TBC1D2B: variants seen among roughly 807,000 people sequenced by gnomAD.
The protein encoded by TBC1D2B is TBC1 domain family member 2B, also known as TBC1 domain family, member 2B.
In TBC1D2B, 64 loss-of-function variants were observed where a neutral mutation model predicts 100.8. The ratio of observed to expected loss-of-function variants is 0.64; its 90% CI spans 0.52 to 0.78. The LOEUF (loss-of-function observed/expected upper bound fraction) is 0.78, where lower values mean the gene tolerates loss of function less well. Among genes scored for constraint, TBC1D2B ranks in the 30% least tolerant of loss-of-function variants. TBC1D2B has a pLI of 0.00. For missense variants in TBC1D2B, 1,052 were observed against 1,218.4 expected, an observed-to-expected ratio of 0.86 and a Z score of 2.03; for synonymous variants, 480 against 479.7, an observed-to-expected ratio of 1.00 and a Z score of -0.01.
At position 78,009,064 on chromosome 15, in the gene TBC1D2B, C is replaced by T. The variant is rs1438696942; in HGVS notation, c.2321G>A (p.Cys774Tyr). ...LYLEQEDAFWCLVTIVEVFMP... is the reference protein window; with the variant it reads ...LYLEQEDAFWYLVTIVEVFMP... ...GAAAACTTCCACTATGGTAACGAGA[C>T]ACCAGAAAGCATCTTCTTGTTCCAG... The change falls in exon 10 of 13, where the codon TGT becomes TAT. Residue 774 changes from cysteine (C) to tyrosine (Y), a missense_variant. Cys to Tyr is a radical substitution (Grantham distance 194, BLOSUM62 -2). Transcript: ENST00000300584. 1 of 1,608,856 alleles carries T rather than the reference C, an allele frequency of 6.2e-7. No individual in the cohort carries two copies. Among genetic ancestry groups the T allele is most frequent in the South Asian group, 1.1e-5 (1 of 89,676 alleles).
At chr15:78,067,601 G>C (rs993538636) in intron 1 of TBC1D2B, among the ~76,000 whole-genome samples, 1 of 152,208 alleles carries the variant, frequency 6.6e-6, no homozygotes, top group African/African-American at 2.4e-5. Flanking sequence ...CCTGCCATCT[G>C]ACACTCAGCA....
chr15:78,031,573 A>AG, intron 3 of TBC1D2B, among the ~76,000 whole-genome samples: 1 of 150,416 alleles, frequency 6.6e-6, no homozygotes, highest in African/African-American at 2.4e-5. Flanking sequence ...AAAAAAAAAA[A>AG]AAGAGAGAGA....
intron 1 of TBC1D2B, among the ~76,000 whole-genome samples, chr15:78,059,256 A>G (rs1229441443): frequency 6.6e-6 from 1 of 152,224 alleles, no homozygotes; most frequent in East Asian, 1.9e-4. Flanking sequence ...CAGAGACCAG[A>G]CCTGCTGGTC....
chr15:78,014,410 C>T (rs1225377683), intron 8 of TBC1D2B, among the ~76,000 whole-genome samples: 1 of 152,210 alleles, frequency 6.6e-6, no homozygotes, highest in Admixed American at 6.5e-5. Flanking sequence ...TATGTATTTT[C>T]TATACACTAG....
intron 7 of TBC1D2B, among the ~76,000 whole-genome samples, chr15:78,017,529 G>C (rs534324020): frequency 1.5e-4 from 23 of 152,198 alleles, no homozygotes; most frequent in Admixed American, 1.2e-3. Flanking sequence ...ATGAACAAAG[G>C]TACACAAAGA....
Position 78,016,607 on chromosome 15 carries a change from C to G in TBC1D2B, c.1714G>C (p.Ala572Pro). 1 of 1,612,850 alleles carries G rather than the reference C, an allele frequency of 6.2e-7. No homozygotes were observed. The highest frequency in any genetic ancestry group is 8.5e-7 in the Non-Finnish European group (1 of 1,179,418). Residue 572 changes from alanine to proline, a missense_variant, in exon 8 of 13, where the codon GCT (alanine) becomes CCT (proline). Coordinates refer to ENST00000300584, the MANE Select transcript of TBC1D2B (RefSeq NM_144572.2). ...TGCTCTTGGCTCTCAACCTGCAGAG[C>G]ATCCTCCAGCAACTGGGCTATGACC... is the stretch of plus-strand genomic sequence containing the variant. ...REVIAQLLED[A>P]LQVESQEQPE...
chr15:78,017,038 A>T, intron 7 of TBC1D2B: 1 of 266,316 alleles, frequency 3.8e-6, no homozygotes, highest in East Asian at 9.1e-5. Context: ...GCTACATGCC[A>T]ATTACTGAGG....
chr15:78,000,880 G>A (rs2071894346), intron 12 of TBC1D2B, among the ~76,000 whole-genome samples: 1 of 151,918 alleles, frequency 6.6e-6, no homozygotes, highest in South Asian at 2.1e-4. Flanking sequence ...CCATCTGTGG[G>A]ACCACCTACC....
intron 3 of TBC1D2B, among the ~76,000 whole-genome samples, chr15:78,038,638 C>A (rs1189841491): frequency 6.6e-6 from 1 of 152,174 alleles, no homozygotes; most frequent in Non-Finnish European, 1.5e-5. Flanking sequence ...ACAGGTGGAC[C>A]CAGCACAGGC....
At chr15:78,027,179 A>G (rs559557307) in intron 4 of TBC1D2B, among the ~76,000 whole-genome samples, 1 of 152,322 alleles carries the variant, frequency 6.6e-6, no homozygotes, top group African/African-American at 2.4e-5. Context: ...AAAGTTAGGA[A>G]ACAGGCAGAA....
In TBC1D2B at chr15:78,054,780, ATT is replaced by A. The variant is rs369023016; in HGVS notation, c.361-595_361-594del. On this transcript the variant is annotated intron_variant, in intron 1 of 12. Coordinates refer to ENST00000300584, the MANE Select transcript of TBC1D2B (RefSeq NM_144572.2). ...AGCTACTTTAGAAAACAGTTTAGCA[ATT>A]CCTTATAAAGTTAAACATACACTTA... Among the ~76,000 whole-genome samples, 90 of 152,384 alleles carry A rather than the reference ATT, an allele frequency of 5.9e-4. No homozygotes were observed. In the East Asian group the frequency reaches 0.012, roughly 20 times the overall value.
At position 78,008,370 on chromosome 15, in the gene TBC1D2B, T is replaced by C. The variant is rs376755116; in HGVS notation, c.2388+627A>G. Among the ~76,000 whole-genome samples the C allele has an allele frequency of 5.3e-5, 8 of 152,342 alleles. No individual in the cohort carries two copies. In the East Asian group the frequency reaches 1.4e-3, roughly 26 times the overall value. ...CCCCTCTGGTGCATCACCACGTTCATTCCCAGCAGCAGGGCATGGGTGCGG... is the reference window on the plus strand; with the variant it reads ...CCCCTCTGGTGCATCACCACGTTCACTCCCAGCAGCAGGGCATGGGTGCGG... On this transcript the variant is annotated intron_variant, in intron 10 of 12. Coordinates refer to ENST00000300584, the MANE Select transcript of TBC1D2B (RefSeq NM_144572.2).
chr15:78,055,719 A>G (rs2073408032), intron 1 of TBC1D2B, among the ~76,000 whole-genome samples: 1 of 152,216 alleles, frequency 6.6e-6, no homozygotes, highest in South Asian at 2.1e-4. Flanking sequence ...ATCTTTGGGT[A>G]TTTTACAGAA....
chr15:78,068,288 T>C (rs1394966272), intron 1 of TBC1D2B, among the ~76,000 whole-genome samples: 1 of 151,996 alleles, frequency 6.6e-6, no homozygotes, highest in Admixed American at 6.6e-5. Flanking sequence ...AGCAGCATAG[T>C]GCTTAGAATA....
At chr15:78,048,277 C>G (rs1030559048) in intron 2 of TBC1D2B, among the ~76,000 whole-genome samples, 1 of 152,146 alleles carries the variant, frequency 6.6e-6, no homozygotes, top group African/African-American at 2.4e-5. Flanking sequence ...TTTGCTGTTA[C>G]TGTTATTTTT....
At chr15:78,007,824 G>T (rs1267700439) in intron 10 of TBC1D2B, among the ~76,000 whole-genome samples, 2 of 152,190 alleles carry the variant, frequency 1.3e-5, no homozygotes, top group African/African-American at 4.8e-5. Context: ...ACAGGAGCTG[G>T]GCACAGAGGA....
intron 1 of TBC1D2B, among the ~76,000 whole-genome samples, chr15:78,072,091 A>C (rs1025735434): frequency 1.3e-5 from 2 of 152,198 alleles, no homozygotes; most frequent in African/African-American, 2.4e-5. Context: ...CCACCTCTAA[A>C]TATCATCACA....
chr15:78,059,462 A>G (rs1335385396), intron 1 of TBC1D2B, among the ~76,000 whole-genome samples: 1 of 152,186 alleles, frequency 6.6e-6, no homozygotes, highest in Non-Finnish European at 1.5e-5. Flanking sequence ...TGGCTGCATG[A>G]ACGTCCTGGG....
Position 78,024,630 on chromosome 15 carries a change from A to T in TBC1D2B, c.1087-91T>A, listed in dbSNP as rs2072611425. On this transcript the variant is annotated intron_variant, in intron 5 of 12. Coordinates refer to ENST00000300584, the MANE Select transcript of TBC1D2B (RefSeq NM_144572.2). ...CATGACATTACATGGAGTAATCGAC[A>T]GAGTTTGAGGAAATGTAGAAACTTT... The T allele has an allele frequency of 1.1e-5, 13 of 1,223,578 alleles. No individual in the cohort carries two copies. The East Asian group carries it at 3.0e-4, about 28-fold the overall frequency. 75.8% of individuals were successfully genotyped at this position (1,223,578 alleles called of 1,614,324 possible).
Sources: allele counts gnomAD v4.1 joint callset (sites outside exome capture counted in the v4.1 genomes callset), GRCh38; gene constraint gnomAD v4.1.1; transcripts MANE v1.5; gene names NCBI Gene and HGNC (gene_info 2026-07-23, HGNC 2026-07-21).